Variants in FMN2 observed in about 807,000 individuals in gnomAD.
FMN2 encodes the protein formin 2.
Under a neutral mutation model 142.3 loss-of-function variants are expected in FMN2, and 51 were observed. That is an observed-to-expected ratio of 0.36 (90% CI 0.29 to 0.45). The LOEUF (loss-of-function observed/expected upper bound fraction) is 0.45. Among genes scored for constraint, FMN2 ranks in the 20% least tolerant of loss-of-function variants. FMN2 has a pLI of 1.00. For missense variants in FMN2, 1,936 were observed against 2,122.8 expected (o/e 0.91, Z 1.73); for synonymous variants, 882 against 869.8 (o/e 1.01, Z -0.25).
chr1:240,122,813 G>A (rs1349565133), intron 1 of FMN2, among the ~76,000 whole-genome samples: 1 of 152,150 alleles, frequency 6.6e-6, no homozygotes, highest in Non-Finnish European at 1.5e-5. Context: ...AGCCACTCAG[G>A]AGGCTTAGGT....
chr1:240,273,702 T>C (rs1669098553), intron 7 of FMN2, among the ~76,000 whole-genome samples: 1 of 151,998 alleles, frequency 6.6e-6, no homozygotes, highest in Non-Finnish European at 1.5e-5. Flanking sequence ...AAAGATGTGA[T>C]GGATAACTTG....
chr1:240,323,551 T>C (rs530249844), intron 8 of FMN2, among the ~76,000 whole-genome samples: 4 of 152,266 alleles, frequency 2.6e-5, no homozygotes, highest in Admixed American at 6.5e-5. Flanking sequence ...CTTCCTTATT[T>C]ATGGGCAGTA....
intron 2 of FMN2, chr1:240,170,966 T>A: frequency 2.5e-6 from 2 of 791,234 alleles, no homozygotes; most frequent in Non-Finnish European, 2.3e-6. Context: ...GACTACTCCT[T>A]TGAATGTATT....
At chr1:240,113,177 G>A (rs1045631177) in intron 1 of FMN2, among the ~76,000 whole-genome samples, 2 of 152,006 alleles carry the variant, frequency 1.3e-5, no homozygotes, top group Admixed American at 1.3e-4. Context: ...CTTGACTGGG[G>A]GATACTGTGG....
chr1:240,185,661 TC>T (rs1665415230), intron 3 of FMN2, among the ~76,000 whole-genome samples: 1 of 152,196 alleles, frequency 6.6e-6, no homozygotes, highest in Non-Finnish European at 1.5e-5. Context: ...AGTTACCGGG[TC>T]AAGGACTATA....
chr1:240,249,567 C>G (rs1346205418), intron 6 of FMN2, among the ~76,000 whole-genome samples: 1 of 151,854 alleles, frequency 6.6e-6, no homozygotes, highest in Admixed American at 6.6e-5. Context: ...TCGTTTTGCT[C>G]CGGATTGCTT....
intron 7 of FMN2, among the ~76,000 whole-genome samples, chr1:240,268,058 A>G (rs1057459710): frequency 5.3e-5 from 8 of 152,052 alleles, no homozygotes; most frequent in Admixed American, 5.3e-4. Flanking sequence ...TAGTTCAGCC[A>G]CTGTGGAGAA....
chr1:240,233,395 A>G (rs1417494249), intron 6 of FMN2, among the ~76,000 whole-genome samples: 14 of 151,958 alleles, frequency 9.2e-5, no homozygotes, highest in Admixed American at 3.3e-4. Context: ...AAAAAAGAAA[A>G]AAAAAAAAAA....
chr1:240,192,095 C>A (rs1304870863), intron 4 of FMN2, among the ~76,000 whole-genome samples: 1 of 152,166 alleles, frequency 6.6e-6, no homozygotes, highest in Admixed American at 6.5e-5. Context: ...TACCGAGTCC[C>A]CTCATTGCCC....
chr1:240,456,919 A>C (rs367651998), intron 16 of FMN2, among the ~76,000 whole-genome samples: 4 of 152,288 alleles, frequency 2.6e-5, no homozygotes, highest in South Asian at 2.1e-4. Context: ...AATAAATCTG[A>C]TATTTAAGGT....
intron 3 of FMN2, among the ~76,000 whole-genome samples, chr1:240,184,926 T>TCTCTTTCTCCCTCC (rs1665339979): frequency 6.6e-6 from 1 of 151,434 alleles, no homozygotes; most frequent in Admixed American, 6.6e-5. Flanking sequence ...CATGTTCCCT[T>TCTCTTTCTCCCTCC]TACTTTCTCC....
At chr1:240,428,576 T>C (rs989986900) in intron 15 of FMN2, among the ~76,000 whole-genome samples, 1 of 152,190 alleles carries the variant, frequency 6.6e-6, no homozygotes, top group Non-Finnish European at 1.5e-5. Context: ...CATGACCTTC[T>C]CTGCTATCTT....
chr1:240,243,157 C>T (rs1667969803), intron 6 of FMN2, among the ~76,000 whole-genome samples: 1 of 152,068 alleles, frequency 6.6e-6, no homozygotes, highest in African/African-American at 2.4e-5. Context: ...AACAAAAAAC[C>T]CTGATAACCT....
intron 15 of FMN2, among the ~76,000 whole-genome samples, chr1:240,428,350 C>T (rs1403774574): frequency 6.6e-6 from 1 of 150,816 alleles, no homozygotes; most frequent in Non-Finnish European, 1.5e-5. Context: ...TCCCACCCCA[C>T]CCTCCCAAGT....
At chr1:240,451,540 C>T (rs1186615007) in intron 16 of FMN2, among the ~76,000 whole-genome samples, 1 of 151,928 alleles carries the variant, frequency 6.6e-6, no homozygotes, top group African/African-American at 2.4e-5. Context: ...AGATGATTGG[C>T]GTGTTCCCCA....
intron 14 of FMN2, among the ~76,000 whole-genome samples, chr1:240,376,449 C>T (rs973134612): frequency 2.0e-5 from 3 of 151,452 alleles, no homozygotes; most frequent in Non-Finnish European, 4.4e-5. Context: ...TTAATATAAT[C>T]GGCCCTTCAT....
chr1:240,204,474 T>C (rs1172578473), intron 4 of FMN2, among the ~76,000 whole-genome samples: 3 of 151,890 alleles, frequency 2.0e-5, no homozygotes, highest in Non-Finnish European at 4.4e-5. Flanking sequence ...TTCTAGACCA[T>C]GTGCGGTGGC....
chr1:240,170,980 A>G, intron 2 of FMN2: 1 of 796,550 alleles, frequency 1.3e-6, no homozygotes. Flanking sequence ...ATGTATTAGG[A>G]ATGTCAAGGT....
chr1:240,347,035 CAGAAA>C (rs1407411972), intron 13 of FMN2, among the ~76,000 whole-genome samples: 1 of 152,172 alleles, frequency 6.6e-6, no homozygotes, highest in East Asian at 1.9e-4. Flanking sequence ...TTTCCAGTGT[CAGAAA>C]GCTGTTGAGT....
Sources: allele counts gnomAD v4.1 joint callset (sites outside exome capture counted in the v4.1 genomes callset), GRCh38; gene constraint gnomAD v4.1.1; transcripts MANE v1.5; gene names NCBI Gene and HGNC (gene_info 2026-07-23, HGNC 2026-07-21).